CNTNAP2: variants seen among roughly 807,000 people sequenced by gnomAD.
CNTNAP2 encodes contactin associated protein 2, also known as contactin-associated protein-like 2.
In CNTNAP2, 98 loss-of-function variants were observed where a neutral mutation model predicts 155.2. That is an observed-to-expected ratio of 0.63 (90% CI 0.54 to 0.75). The LOEUF is 0.75. Ranked by LOEUF, CNTNAP2 falls within the 30% of genes least tolerant of loss-of-function variation. CNTNAP2 has a pLI of 0.00. For missense variants in CNTNAP2, 1,727 were observed against 1,688.1 expected, an observed-to-expected ratio of 1.02 and a Z score of -0.40; for synonymous variants, 651 against 631.2, an observed-to-expected ratio of 1.03 and a Z score of -0.47.
intron 11 of CNTNAP2, among the ~76,000 whole-genome samples, chr7:147,495,579 TCAA>T (rs1798690771): frequency 6.6e-6 from 1 of 152,214 alleles, no homozygotes; most frequent in Non-Finnish European, 1.5e-5. Context: ...TAGTCAATTC[TCAA>T]CAGATGACAG....
At chr7:147,186,130 A>G (rs967854500) in intron 8 of CNTNAP2, among the ~76,000 whole-genome samples, 44 of 152,160 alleles carry the variant, frequency 2.9e-4, no homozygotes, top group African/African-American at 1.1e-3. Context: ...AAAATATTAC[A>G]TTTCAGAATA....
chr7:146,833,844 A>G lies in CNTNAP2; in HGVS notation c.209-5867A>G, dbSNP rs112251153. Among the ~76,000 whole-genome samples, 881 of 152,162 alleles carry G rather than the reference A, an allele frequency of 5.8e-3. 8 individuals are homozygous for G. Among genetic ancestry groups the G allele is most frequent in the Admixed American group, 9.2e-3 (140 of 15,282 alleles). The stretch of plus-strand genomic sequence containing the variant: ...GCTTCAGCCCCACTCATTGCTTTGC[A>G]TGTTTGTTGCATTTCTTGTGCATAG... On this transcript the variant is annotated intron_variant, in intron 2 of 23. Transcript: ENST00000361727.
At chr7:147,308,446 A>G (rs779926021) in intron 9 of CNTNAP2, among the ~76,000 whole-genome samples, 2 of 152,328 alleles carry the variant, frequency 1.3e-5, no homozygotes, top group East Asian at 3.9e-4. Context: ...CAGTGGAGCC[A>G]GTAGGTAATG....
chr7:146,426,209 A>T (rs1206050475), intron 1 of CNTNAP2, among the ~76,000 whole-genome samples: 1 of 148,844 alleles, frequency 6.7e-6, no homozygotes, highest in Non-Finnish European at 1.5e-5. Flanking sequence ...AAAAAAAAAA[A>T]ATTAAAACTT....
rs564185782 is a variant in CNTNAP2 at position 147,055,181 on chromosome 7, G to A, written c.550+11127G>A. On this transcript the variant is annotated intron_variant, in intron 4 of 23. Transcript: ENST00000361727. ...AGTCCTTATTTATGGAATGTTTTTA[G>A]CAAGATATCCCTGTGTTAGGTTGCT... 2.0e-5 allele frequency among the ~76,000 whole-genome samples: 3 copies of A among 152,246 alleles called. No homozygotes were observed. The South Asian group carries it at 6.2e-4, about 32-fold the overall frequency.
chr7:147,404,848 T>C (rs1796979189), intron 10 of CNTNAP2, among the ~76,000 whole-genome samples: 2 of 152,184 alleles, frequency 1.3e-5, no homozygotes, highest in Admixed American at 6.5e-5. Context: ...TCTGAAGTGA[T>C]TTCAAAGTGA....
intron 4 of CNTNAP2, among the ~76,000 whole-genome samples, chr7:147,100,256 A>G (rs939329714): frequency 1.3e-5 from 2 of 152,150 alleles, no homozygotes; most frequent in Non-Finnish European, 2.9e-5. Context: ...AAAAGTTACT[A>G]ATATTTTCCT....
intron 1 of CNTNAP2, among the ~76,000 whole-genome samples, chr7:146,286,410 G>A (rs1243055117): frequency 2.6e-5 from 4 of 151,934 alleles, no homozygotes; most frequent in African/African-American, 9.7e-5. Flanking sequence ...ATTCATCAGG[G>A]TACATGCCAC....
chr7:148,308,583 T>G (rs1456193633), intron 21 of CNTNAP2, among the ~76,000 whole-genome samples: 1 of 117,962 alleles, frequency 8.5e-6, no homozygotes, highest in African/African-American at 3.1e-5. Flanking sequence ...ATTTATTTAT[T>G]TATTTATTAT....
chr7:148,349,407 C>CTTTTTTT lies in CNTNAP2; in HGVS notation c.3476-34236_3476-34230dup, dbSNP rs1269143446. On this transcript the variant is annotated intron_variant, in intron 21 of 23. Coordinates refer to ENST00000361727, the MANE Select transcript of CNTNAP2 (RefSeq NM_014141.6). ...TTTAAAAATTGCAAAAAAAATCTCT[C>CTTTTTTT]TTTTTTTTTTTTGAGACAGAGTCTC... Among the ~76,000 whole-genome samples the CTTTTTTT allele has an allele frequency of 4.2e-5, 6 of 143,226 alleles. 2 individuals are homozygous for CTTTTTTT. Among genetic ancestry groups the CTTTTTTT allele is most frequent in the African/African-American group, 1.0e-4 (4 of 38,212 alleles). The allele number at this position is 143,226 out of a possible 152,430, so 94.0% of individuals were successfully genotyped here.
intron 1 of CNTNAP2, among the ~76,000 whole-genome samples, chr7:146,480,827 C>T (rs1334655366): frequency 6.6e-6 from 1 of 151,238 alleles, no homozygotes; most frequent in South Asian, 2.1e-4. Context: ...GGACTACAGG[C>T]GCCCATCACC....
chr7:146,671,925 C>T (rs551727200), intron 1 of CNTNAP2, among the ~76,000 whole-genome samples: 2 of 152,142 alleles, frequency 1.3e-5, no homozygotes, highest in African/African-American at 4.8e-5. Flanking sequence ...AAGCGATTCT[C>T]CTGCTTCAGC....
At chr7:147,400,076 C>G (rs1208941994) in intron 10 of CNTNAP2, among the ~76,000 whole-genome samples, 1 of 152,158 alleles carries the variant, frequency 6.6e-6, no homozygotes, top group Non-Finnish European at 1.5e-5. Flanking sequence ...TCTTAAGATG[C>G]CTGACTCAAC....
At chr7:146,384,423 A>G (rs1039567935) in intron 1 of CNTNAP2, among the ~76,000 whole-genome samples, 7 of 152,194 alleles carry the variant, frequency 4.6e-5, no homozygotes, top group Non-Finnish European at 7.4e-5. Flanking sequence ...GGAGTTTGTG[A>G]GTTTAGCCTT....
intron 1 of CNTNAP2, among the ~76,000 whole-genome samples, chr7:146,476,222 A>G (rs1380328142): frequency 6.6e-6 from 1 of 152,196 alleles, no homozygotes; most frequent in Non-Finnish European, 1.5e-5. Context: ...TTTAGTTACA[A>G]GAACAAATTT....
At chr7:146,493,572 G>T (rs1034184961) in intron 1 of CNTNAP2, among the ~76,000 whole-genome samples, 1 of 152,076 alleles carries the variant, frequency 6.6e-6, no homozygotes, top group Admixed American at 6.5e-5. Flanking sequence ...CCAGAAATTA[G>T]GTTTCTGGGA....
rs1371876758 is a variant in CNTNAP2, at chr7:146,856,221, A to ATAGG, written c.402+16329_402+16332dup. Among the ~76,000 whole-genome samples, 3 of 151,888 alleles carry ATAGG rather than the reference A, an allele frequency of 2.0e-5. No individual in the cohort carries two copies. In the East Asian group the frequency reaches 5.8e-4, roughly 29 times the overall value. On this transcript the variant is annotated intron_variant, in intron 3 of 23. Coordinates refer to ENST00000361727, the MANE Select transcript of CNTNAP2 (RefSeq NM_014141.6). ...AGAAATGCTTAAGTCTATAGAGATG[A>ATAGG]TAGGTAGGTAGGTAGACAGACAGAT...
At chr7:147,694,215 A>G (rs1015265620) in intron 13 of CNTNAP2, among the ~76,000 whole-genome samples, 8 of 152,076 alleles carry the variant, frequency 5.3e-5, no homozygotes, top group Non-Finnish European at 1.2e-4. Context: ...ACAGTTGTTC[A>G]TAGTATACAG....
intron 12 of CNTNAP2, among the ~76,000 whole-genome samples, chr7:147,610,167 A>G (rs1801154963): frequency 6.6e-6 from 1 of 152,226 alleles, no homozygotes; most frequent in Non-Finnish European, 1.5e-5. Flanking sequence ...TTACAACTAA[A>G]GCATGTTATA....
Sources: allele counts gnomAD v4.1 joint callset (sites outside exome capture counted in the v4.1 genomes callset), GRCh38; gene constraint gnomAD v4.1.1; transcripts MANE v1.5; gene names NCBI Gene and HGNC (gene_info 2026-07-23, HGNC 2026-07-21).